The following KSR2 variants were observed in gnomAD, a reference collection of about 807,000 sequenced individuals.
The protein encoded by KSR2 is kinase suppressor of ras 2.
A neutral mutation model predicts 107.8 loss-of-function variants in KSR2; 25 were observed. The ratio of observed to expected loss-of-function variants is 0.23; its 90% confidence interval spans 0.17 to 0.32. The LOEUF is 0.32. KSR2 is among the 10% of genes least tolerant of loss of function. The probability of loss-of-function intolerance (pLI) is 1.00; values close to 1 mark genes in which losing one functional copy is unlikely to be tolerated. For synonymous variants in KSR2, 480 were observed against 507.0 expected (o/e 0.95, Z 0.71); for missense variants, 887 against 1,268.9 (o/e 0.70, Z 4.57).
intron 2 of KSR2, among the ~76,000 whole-genome samples, chr12:117,857,304 C>G (rs1051961023): frequency 6.6e-6 from 1 of 152,122 alleles, no homozygotes; most frequent in Non-Finnish European, 1.5e-5. Context: ...AAGTGATCCT[C>G]CCACCTCGGT....
intron 19 of KSR2, 54 bp downstream of exon 19, chr12:117,469,608 G>T: frequency 6.3e-7 from 1 of 1,589,780 alleles, no homozygotes; most frequent in South Asian, 1.1e-5. Flanking sequence ...TCAAAAAGGT[G>T]ACAAAGGGCA....
chr12:117,567,881 T>C (rs1231913826), intron 7 of KSR2, among the ~76,000 whole-genome samples: 2 of 151,316 alleles, frequency 1.3e-5, no homozygotes, highest in African/African-American at 4.9e-5. Flanking sequence ...TCTGGTCTCA[T>C]GTGAGTTCCC....
At chr12:117,727,886 A>C (rs1472723719) in intron 4 of KSR2, among the ~76,000 whole-genome samples, 1 of 152,240 alleles carries the variant, frequency 6.6e-6, no homozygotes, top group Admixed American at 6.5e-5. Flanking sequence ...CTATAAAATA[A>C]TACAAAAGAA....
chr12:117,784,163 G>T (rs1033431013), intron 3 of KSR2, among the ~76,000 whole-genome samples: 1 of 152,078 alleles, frequency 6.6e-6, no homozygotes, highest in African/African-American at 2.4e-5. Context: ...ATATGGCTTG[G>T]CTGTGTCCCC....
At chr12:117,555,752 AC>A (rs1476012742) in intron 8 of KSR2, among the ~76,000 whole-genome samples, 1 of 152,170 alleles carries the variant, frequency 6.6e-6, no homozygotes, top group Non-Finnish European at 1.5e-5. Context: ...TTTGTCCTAA[AC>A]AACTTTGGAT....
At chr12:117,667,690 A>C in intron 4 of KSR2, 32 bp from the exon 5 acceptor site, 1 of 1,526,836 alleles carries the variant, frequency 6.5e-7, no homozygotes. Context: ...AGGAAAAGGA[A>C]ATATATCCAT....
intron 4 of KSR2, among the ~76,000 whole-genome samples, chr12:117,712,893 T>C (rs1886839862): frequency 6.6e-6 from 1 of 152,090 alleles, no homozygotes; most frequent in East Asian, 1.9e-4. Flanking sequence ...TAGATATATC[T>C]ATATAGAGCT....
intron 15 of KSR2, among the ~76,000 whole-genome samples, chr12:117,484,986 A>G (rs1872381576): frequency 6.6e-6 from 1 of 152,226 alleles, no homozygotes; most frequent in Admixed American, 6.5e-5. Flanking sequence ...GCTCATTAAG[A>G]ACACACAGAA....
chr12:117,941,138 G>T (rs1895993055), intron 1 of KSR2, among the ~76,000 whole-genome samples: 1 of 151,948 alleles, frequency 6.6e-6, no homozygotes, highest in African/African-American at 2.4e-5. Context: ...ATTGAAAAAT[G>T]GAAATACTTG....
At chr12:117,915,399 A>G (rs1895144162) in intron 1 of KSR2, among the ~76,000 whole-genome samples, 1 of 152,220 alleles carries the variant, frequency 6.6e-6, no homozygotes, top group Non-Finnish European at 1.5e-5. Context: ...TACTGCCATC[A>G]CATTAAGGGT....
At chr12:117,775,341 CATT>C (rs1889650414) in intron 3 of KSR2, among the ~76,000 whole-genome samples, 1 of 152,242 alleles carries the variant, frequency 6.6e-6, no homozygotes, top group South Asian at 2.1e-4. Flanking sequence ...TGTTTATCAT[CATT>C]GTCATCATAG....
At chr12:117,682,243 G>A (rs201048043) in intron 4 of KSR2, among the ~76,000 whole-genome samples, 1 of 151,898 alleles carries the variant, frequency 6.6e-6, no homozygotes, top group Non-Finnish European at 1.5e-5. Context: ...ACAGGGAAGG[G>A]AACAACACAC....
chr12:117,542,411 T>C lies in KSR2; in HGVS notation c.1519-2524A>G, dbSNP rs112234065. On this transcript the variant is annotated intron_variant, in intron 9 of 19. Coordinates refer to ENST00000339824, the MANE Select transcript of KSR2 (RefSeq NM_173598.6). ...TGTAGTTGTAAGAAGAGAGAGATCTTATGTTTCCCTTACTCAGTTTTCTCT... is the reference window on the plus strand; with the variant it reads ...TGTAGTTGTAAGAAGAGAGAGATCTCATGTTTCCCTTACTCAGTTTTCTCT... 3.4e-4 allele frequency among the ~76,000 whole-genome samples: 46 copies of C among 133,620 alleles called. 1 individual carries two copies. Among genetic ancestry groups the C allele is most frequent in the African/African-American group, 1.1e-3 (39 of 36,734 alleles). 87.7% of individuals were successfully genotyped at this position (133,620 alleles called of 152,430 possible). A position where few individuals can be genotyped will look rare whatever the true frequency, so the allele number is the denominator to read the frequency against.
chr12:117,569,738 C>G (rs1036137960), intron 7 of KSR2, among the ~76,000 whole-genome samples: 1 of 152,122 alleles, frequency 6.6e-6, no homozygotes, highest in East Asian at 1.9e-4. Context: ...TTGATCACCC[C>G]CTTGTATAAT....
At chr12:117,852,535 A>G (rs1324620410) in intron 3 of KSR2, among the ~76,000 whole-genome samples, 2 of 152,170 alleles carry the variant, frequency 1.3e-5, no homozygotes, top group African/African-American at 4.8e-5. Flanking sequence ...GGTCTCGCAC[A>G]GCCTAGAATG....
At chr12:117,479,236 C>T (rs1384479686) in intron 16 of KSR2, among the ~76,000 whole-genome samples, 1 of 152,172 alleles carries the variant, frequency 6.6e-6, no homozygotes, top group Non-Finnish European at 1.5e-5. Context: ...GAAGCAAAGC[C>T]GGGTAACTGC....
At chr12:117,480,032 G>A (rs1028607628) in intron 16 of KSR2, among the ~76,000 whole-genome samples, 4 of 146,540 alleles carry the variant, frequency 2.7e-5, no homozygotes, top group African/African-American at 1.1e-4. Context: ...ATGTGTATGT[G>A]TGTGTGTGTG....
intron 4 of KSR2, 134 bp downstream of exon 4, chr12:117,760,877 A>G: frequency 8.7e-7 from 1 of 1,153,958 alleles, no homozygotes; most frequent in Non-Finnish European, 1.2e-6. Context: ...GTGAAAAGCC[A>G]TTTTTCATTC....
At chr12:117,526,565 C>G (rs1875182649) in intron 13 of KSR2, among the ~76,000 whole-genome samples, 1 of 152,208 alleles carries the variant, frequency 6.6e-6, no homozygotes, top group South Asian at 2.1e-4. Flanking sequence ...TCCTTGGAAG[C>G]CCTGACTCAA....
Sources: allele counts gnomAD v4.1 joint callset (sites outside exome capture counted in the v4.1 genomes callset), GRCh38; gene constraint gnomAD v4.1.1; transcripts MANE v1.5; gene names NCBI Gene and HGNC (gene_info 2026-07-23, HGNC 2026-07-21).